The following CYRIB variants were observed in gnomAD, a reference collection of about 807,000 sequenced individuals.
CYRIB encodes CYFIP related Rac1 interactor B, also known as CYFIP-related Rac1 interactor B.
CYRIB carries 8 observed loss-of-function variants against 44.2 expected under a neutral mutation model. The ratio of observed to expected loss-of-function variants is 0.18; its 90% CI spans 0.11 to 0.33. The LOEUF (loss-of-function observed/expected upper bound fraction) is 0.33, where lower values mean the gene tolerates loss of function less well. Ranked by LOEUF, CYRIB falls within the 10% of genes least tolerant of loss-of-function variation. The pLI, the probability that CYRIB is intolerant of heterozygous loss-of-function variation, is 1.00. For missense variants in CYRIB, 185 were observed against 382.8 expected (o/e 0.48, Z 4.31); for synonymous variants, 131 against 127.2 (o/e 1.03, Z -0.20).
At chr8:129,956,558 C>A (rs141237943) in intron 2 of CYRIB, among the ~76,000 whole-genome samples, 1 of 151,768 alleles carries the variant, frequency 6.6e-6, no homozygotes, top group African/African-American at 2.4e-5. Flanking sequence ...CACACACACA[C>A]CTGCTCCCAA....
intron 11 of CYRIB, among the ~76,000 whole-genome samples, chr8:129,843,649 G>A (rs546699618): frequency 3.9e-5 from 6 of 152,282 alleles, no homozygotes; most frequent in African/African-American, 1.4e-4. Flanking sequence ...CAATCCTCCT[G>A]CCTTGGGCTC....
chr8:129,988,873 A>G (rs2096551471), intron 1 of CYRIB, among the ~76,000 whole-genome samples: 2 of 152,080 alleles, frequency 1.3e-5, no homozygotes. Flanking sequence ...ACTTCTCTCA[A>G]CGCTGCACAT....
At chr8:130,011,182 T>C (rs1165012439) in intron 1 of CYRIB, among the ~76,000 whole-genome samples, 1 of 152,100 alleles carries the variant, frequency 6.6e-6, no homozygotes, top group Non-Finnish European at 1.5e-5. Context: ...CACACATTAC[T>C]CAGTGGCCCT....
chr8:129,908,361 CTAA>C (rs1321319044), intron 1 of CYRIB, among the ~76,000 whole-genome samples: 1 of 152,020 alleles, frequency 6.6e-6, no homozygotes, highest in Non-Finnish European at 1.5e-5. Flanking sequence ...TGTATACTCC[CTAA>C]TAATAAAAAG....
At chr8:129,860,877 A>C (rs1417806676) in intron 5 of CYRIB, among the ~76,000 whole-genome samples, 3 of 152,040 alleles carry the variant, frequency 2.0e-5, no homozygotes, top group Non-Finnish European at 4.4e-5. Flanking sequence ...AAAAAAAAAA[A>C]AAAACCATAC....
intron 1 of CYRIB, among the ~76,000 whole-genome samples, chr8:130,012,180 C>T (rs908904970): frequency 6.6e-6 from 1 of 151,884 alleles, no homozygotes; most frequent in Non-Finnish European, 1.5e-5. Context: ...CAGATGGCAG[C>T]TAGTAAGTCC....
chr8:129,910,646 T>C (rs1388524697), intron 1 of CYRIB, among the ~76,000 whole-genome samples: 2 of 152,050 alleles, frequency 1.3e-5, no homozygotes, highest in African/African-American at 2.4e-5. Flanking sequence ...AAAATTAAAA[T>C]GAACAGCCAG....
intron 1 of CYRIB, among the ~76,000 whole-genome samples, chr8:129,922,076 C>T (rs1383309874): frequency 6.6e-6 from 1 of 152,200 alleles, no homozygotes; most frequent in African/African-American, 2.4e-5. Context: ...CCAGTGGCCA[C>T]ACTGCACTAA....
chr8:129,890,231 T>C (rs1455559614), intron 2 of CYRIB, among the ~76,000 whole-genome samples: 2 of 152,152 alleles, frequency 1.3e-5, no homozygotes, highest in Non-Finnish European at 1.5e-5. Flanking sequence ...TACCCAACAG[T>C]ATCATATGCT....
At chr8:129,991,593 A>G (rs766782895) in intron 1 of CYRIB, among the ~76,000 whole-genome samples, 1 of 152,120 alleles carries the variant, frequency 6.6e-6, no homozygotes, top group South Asian at 2.1e-4. Flanking sequence ...AGTCCCCACC[A>G]GCAAAAAGAC....
intron 1 of CYRIB, among the ~76,000 whole-genome samples, chr8:130,010,921 G>A (rs2097199602): frequency 6.6e-6 from 1 of 152,016 alleles, no homozygotes; most frequent in Non-Finnish European, 1.5e-5. Flanking sequence ...CCCTGCCCCA[G>A]CCCCTGCTCA....
intron 1 of CYRIB, among the ~76,000 whole-genome samples, chr8:129,973,439 C>T (rs1189809586): frequency 6.6e-6 from 1 of 152,210 alleles, no homozygotes; most frequent in East Asian, 1.9e-4. Flanking sequence ...CAGGGTTACC[C>T]GCCTGGGCCA....
At chr8:129,849,116 A>T in intron 10 of CYRIB, 127 bp downstream of exon 12, 1 of 830,196 alleles carries the variant, frequency 1.2e-6, no homozygotes, top group Non-Finnish European at 1.8e-6. Context: ...ATGAAAGTCC[A>T]CCATTTCACA....
At chr8:129,977,696 T>C (rs994276515) in intron 1 of CYRIB, among the ~76,000 whole-genome samples, 1 of 152,066 alleles carries the variant, frequency 6.6e-6, no homozygotes, top group African/African-American at 2.4e-5. Flanking sequence ...CACGCCCGGC[T>C]AATTTTTTTG....
At chr8:129,943,086 A>AACCCCCCCCCCCC (rs2093840896), upstream of CYRIB, among the ~76,000 whole-genome samples, 1 of 101,580 alleles carries the variant, frequency 9.8e-6, no homozygotes, top group African/African-American at 3.3e-5. Flanking sequence ...TGCACCGCCC[A>AACCCCCCCCCCCC]CCCGCCCCCC....
chr8:130,009,096 T>G (rs2097166423), intron 1 of CYRIB, among the ~76,000 whole-genome samples: 1 of 151,972 alleles, frequency 6.6e-6, no homozygotes, highest in South Asian at 2.1e-4. Flanking sequence ...CCAAGAGAGG[T>G]TATGCAATGT....
At chr8:129,943,943 T>C (rs1238516000), upstream of CYRIB, among the ~76,000 whole-genome samples, 2 of 143,168 alleles carry the variant, frequency 1.4e-5, no homozygotes, top group African/African-American at 5.2e-5. Context: ...GAATGAGACC[T>C]CTTAGCTTGG....
chr8:129,996,054 CATA>C (rs2096757245), intron 1 of CYRIB, among the ~76,000 whole-genome samples: 1 of 152,224 alleles, frequency 6.6e-6, no homozygotes, highest in African/African-American at 2.4e-5. Context: ...CCTCCACAAT[CATA>C]ATACCAGCGC....
intron 1 of CYRIB, among the ~76,000 whole-genome samples, chr8:130,004,189 G>A (rs1185454971): frequency 6.6e-6 from 1 of 152,198 alleles, no homozygotes; most frequent in Non-Finnish European, 1.5e-5. Flanking sequence ...CCCCCACTGG[G>A]TATCAAGACA....
Sources: gnomAD v4.1 joint callset for allele counts (sites outside exome capture counted in the v4.1 genomes callset) on GRCh38, gnomAD v4.1.1 for gene constraint, MANE v1.5 for transcripts, NCBI Gene and HGNC (gene_info 2026-07-23, HGNC 2026-07-21) for gene names.